OSBPL10: variants seen among roughly 807,000 people sequenced by gnomAD.
The protein encoded by OSBPL10 is oxysterol-binding protein-related protein 10.
Under a neutral mutation model 81.7 loss-of-function variants are expected in OSBPL10, and 49 were observed. That is an observed-to-expected ratio of 0.60 (90% CI 0.48 to 0.76). The LOEUF (loss-of-function observed/expected upper bound fraction) is 0.76. Among genes scored for constraint, OSBPL10 ranks in the 30% least tolerant of loss-of-function variants. OSBPL10 has a pLI of 0.00. For missense variants in OSBPL10, 923 were observed against 987.8 expected, an observed-to-expected ratio of 0.93 and a Z score of 0.88; for synonymous variants, 419 against 383.6, an observed-to-expected ratio of 1.09 and a Z score of -1.08.
At chr3:31,838,346 T>A (rs946663032) in intron 3 of OSBPL10, among the ~76,000 whole-genome samples, 1 of 151,704 alleles carries the variant, frequency 6.6e-6, no homozygotes, top group South Asian at 2.1e-4. Context: ...CCGTCTTTAC[T>A]AAGAATACAA....
intron 1 of OSBPL10, among the ~76,000 whole-genome samples, chr3:31,904,435 T>G (rs992840745): frequency 6.6e-6 from 1 of 152,144 alleles, no homozygotes; most frequent in African/African-American, 2.4e-5. Context: ...AACAGGCACA[T>G]TTTCAAAACA....
intron 4 of OSBPL10, among the ~76,000 whole-genome samples, chr3:31,789,598 C>T (rs935142691): frequency 7.9e-5 from 12 of 152,132 alleles, no homozygotes; most frequent in Admixed American, 5.2e-4. Flanking sequence ...GGAGCACTGC[C>T]AGGCAGGGGC....
intron 6 of OSBPL10, among the ~76,000 whole-genome samples, chr3:31,730,459 G>A (rs1431944002): frequency 6.6e-6 from 1 of 152,038 alleles, no homozygotes; most frequent in Middle Eastern, 3.4e-3. Flanking sequence ...AGCGACACAC[G>A]GAAAACCTTT....
At chr3:32,057,297 T>C (rs1262067912) in intron 1 of OSBPL10, among the ~76,000 whole-genome samples, 2 of 152,192 alleles carry the variant, frequency 1.3e-5, no homozygotes, top group East Asian at 3.8e-4. Flanking sequence ...CAATTTTTTT[T>C]TGCGTGAGGT....
chr3:31,690,022 G>A (rs932407616), intron 7 of OSBPL10, among the ~76,000 whole-genome samples: 6 of 152,008 alleles, frequency 3.9e-5, no homozygotes, highest in Non-Finnish European at 8.8e-5. Flanking sequence ...AGGGAAGAAG[G>A]GAGAAGAAAT....
intron 1 of OSBPL10, among the ~76,000 whole-genome samples, chr3:32,071,943 A>G (rs76583953): frequency 0.017 from 2,571 of 152,186 alleles, 54 homozygotes; most frequent in East Asian, 0.11. Context: ...TATTGATGGC[A>G]GTTCCACCAG....
chr3:31,823,486 G>C (rs1462119344), intron 4 of OSBPL10, among the ~76,000 whole-genome samples: 5 of 152,248 alleles, frequency 3.3e-5, no homozygotes, highest in African/African-American at 1.2e-4. Flanking sequence ...AGAAAGATAA[G>C]CCAAGCCACA....
chr3:31,811,555 A>G (rs1699682239), intron 4 of OSBPL10, among the ~76,000 whole-genome samples: 1 of 152,178 alleles, frequency 6.6e-6, no homozygotes, highest in Non-Finnish European at 1.5e-5. Context: ...AGAAAATAAC[A>G]CTTTACAGAC....
chr3:31,834,341 G>A (rs1056198483), intron 3 of OSBPL10, among the ~76,000 whole-genome samples: 5 of 152,202 alleles, frequency 3.3e-5, no homozygotes, highest in Non-Finnish European at 2.9e-5. Flanking sequence ...TCGGAGTCGA[G>A]AGCAAGTTTC....
At chr3:31,980,415 T>C (rs1425847605) in intron 1 of OSBPL10, among the ~76,000 whole-genome samples, 1 of 152,242 alleles carries the variant, frequency 6.6e-6, no homozygotes, top group Non-Finnish European at 1.5e-5. Context: ...TTTTTGTTGA[T>C]GGTGGTGGTG....
At chr3:31,861,943 G>A (rs765429889) in intron 3 of OSBPL10, among the ~76,000 whole-genome samples, 2 of 152,058 alleles carry the variant, frequency 1.3e-5, no homozygotes, top group South Asian at 2.1e-4. Flanking sequence ...TTACAGCCTC[G>A]CAATGGGGTC....
At chr3:32,007,716 T>G (rs1037724443) in intron 2 of OSBPL10, among the ~76,000 whole-genome samples, 3 of 152,166 alleles carry the variant, frequency 2.0e-5, no homozygotes, top group Middle Eastern at 3.2e-3. Context: ...ATTCTTTCTT[T>G]TTTTTTTGAG....
At chr3:32,004,666 T>C (rs78325696) in intron 2 of OSBPL10, among the ~76,000 whole-genome samples, 1,649 of 152,294 alleles carry the variant, frequency 0.011, 27 homozygotes, top group African/African-American at 0.038. Flanking sequence ...ACAAAACTAT[T>C]GAACACCTGC....
intron 5 of OSBPL10, among the ~76,000 whole-genome samples, chr3:31,743,672 A>AAG (rs34749962): frequency 3.3e-5 from 5 of 152,066 alleles, no homozygotes; most frequent in Non-Finnish European, 5.9e-5. Flanking sequence ...GGAAAAAAAA[A>AAG]CAGTGCAAGG....
upstream of OSBPL10, chr3:31,981,305 T>C: frequency 7.8e-7 from 1 of 1,273,992 alleles, no homozygotes; most frequent in Non-Finnish European, 9.9e-7. This position sits in a 1 kb window ranked among gnomAD's most constrained non-coding sequence, Gnocchi z 4.5. Context: ...GGGAAATGCC[T>C]GACTCATACA....
intron 3 of OSBPL10, among the ~76,000 whole-genome samples, chr3:31,840,270 T>G (rs1700459506): frequency 6.6e-6 from 1 of 152,148 alleles, no homozygotes; most frequent in South Asian, 2.1e-4. Flanking sequence ...TCCAATGTCA[T>G]TCTGAGAACA....
chr3:31,708,751 T>C (rs1391479254), intron 6 of OSBPL10: 2 of 985,338 alleles, frequency 2.0e-6, no homozygotes, highest in Admixed American at 1.2e-4. Context: ...AGATTTCTCC[T>C]CTGGAAGAGT....
intron 1 of OSBPL10, among the ~76,000 whole-genome samples, chr3:31,962,665 A>C (rs886374479): frequency 1.3e-5 from 2 of 152,150 alleles, no homozygotes. Flanking sequence ...CTCCCATTAC[A>C]CTAAGTTGTA....
At chr3:31,781,816 C>A (rs1482731108) in intron 4 of OSBPL10, among the ~76,000 whole-genome samples, 2 of 152,100 alleles carry the variant, frequency 1.3e-5, no homozygotes, top group African/African-American at 4.8e-5. Flanking sequence ...ATGACACAAA[C>A]AAATGGAAAT....
Sources: gnomAD v4.1 joint callset for allele counts (sites outside exome capture counted in the v4.1 genomes callset) on GRCh38, gnomAD v4.1.1 for gene constraint, Gnocchi (gnomAD v3.1) non-coding constraint, MANE v1.5 for transcripts, NCBI Gene and HGNC (gene_info 2026-07-23, HGNC 2026-07-21) for gene names.